Variants in JARID2 observed in about 807,000 individuals in gnomAD.
JARID2 encodes the protein jumonji and AT-rich interaction domain containing 2, also known as protein Jumonji.
Under a neutral mutation model 125.6 loss-of-function variants are expected in JARID2, and 21 were observed. That is an observed-to-expected ratio of 0.17 (90% CI 0.12 to 0.24). JARID2 has a LOEUF of 0.24. Among genes scored for constraint, JARID2 ranks in the 10% least tolerant of loss-of-function variants. The pLI is 1.00. For missense variants in JARID2, 1,303 were observed against 1,639.6 expected (o/e 0.79, Z 3.55); for synonymous variants, 736 against 661.6 (o/e 1.11, Z -1.73).
rs140521472 is a variant in JARID2, at chr6:15,296,711, A to G, written c.45+50127A>G. Among the ~76,000 whole-genome samples, 618 of 152,312 alleles carry G rather than the reference A, an allele frequency of 4.1e-3. 3 individuals carry two copies. The highest frequency in any genetic ancestry group is 5.3e-3 in the Non-Finnish European group (358 of 68,034). On this transcript the variant is annotated intron_variant, in intron 1 of 17. Transcript: ENST00000341776. ...GGACACTAATACTGGGAGGCCTTAA[A>G]GCTGCTACCCGTGTCCCTGTAACAT...
chr6:15,422,973 G>T (rs1766565551), intron 3 of JARID2, among the ~76,000 whole-genome samples: 1 of 149,588 alleles, frequency 6.7e-6, no homozygotes, highest in Non-Finnish European at 1.5e-5. Context: ...AGGCTTACAG[G>T]TGTAGCCTAG....
intron 2 of JARID2, among the ~76,000 whole-genome samples, chr6:15,380,189 C>A (rs1764525746): frequency 6.6e-6 from 1 of 151,986 alleles, no homozygotes; most frequent in Admixed American, 6.6e-5. Flanking sequence ...GCATGTGCCA[C>A]CATGCCTGGC....
At chr6:15,420,899 G>A (rs985864959) in intron 3 of JARID2, among the ~76,000 whole-genome samples, 1 of 152,184 alleles carries the variant, frequency 6.6e-6, no homozygotes, top group African/African-American at 2.4e-5. Flanking sequence ...TATTCCTGGT[G>A]CTTTTACAAT....
At chr6:15,272,687 T>C (rs945291649) in intron 1 of JARID2, among the ~76,000 whole-genome samples, 1 of 152,208 alleles carries the variant, frequency 6.6e-6, no homozygotes, top group African/African-American at 2.4e-5. Flanking sequence ...TTCACTATCC[T>C]GGAAGGTGGT....
intron 17 of JARID2, among the ~76,000 whole-genome samples, 185 bp downstream of exon 17, chr6:15,517,453 C>T (rs909626): frequency 0.14 from 21,498 of 152,158 alleles, 1,579 homozygotes; most frequent in Middle Eastern, 0.31. Flanking sequence ...CCAGGGGGAG[C>T]GGGGTTCCTG....
chr6:15,283,336 T>C (rs1171581453), intron 1 of JARID2, among the ~76,000 whole-genome samples: 3 of 142,708 alleles, frequency 2.1e-5, no homozygotes, highest in Admixed American at 7.0e-5. Context: ...CTTTGTCCTT[T>C]AAGTATTTTT....
intron 1 of JARID2, among the ~76,000 whole-genome samples, chr6:15,345,157 C>G (rs1295083733): frequency 1.3e-5 from 2 of 152,044 alleles, no homozygotes; most frequent in Non-Finnish European, 2.9e-5. Flanking sequence ...GCTTTTGAGA[C>G]TGATTGTATG....
intron 12 of JARID2, chr6:15,509,352 A>C: frequency 1.0e-6 from 1 of 985,406 alleles, no homozygotes; most frequent in Non-Finnish European, 1.2e-6. Context: ...TCTTTATTAA[A>C]ATAAACAAAG....
intron 3 of JARID2, among the ~76,000 whole-genome samples, chr6:15,442,100 C>T (rs1388941445): frequency 6.6e-6 from 1 of 150,676 alleles, no homozygotes; most frequent in Non-Finnish European, 1.5e-5. Flanking sequence ...TTATATTTCT[C>T]TTGCATTTTG....
At chr6:15,470,240 T>C (rs191704753) in intron 5 of JARID2, among the ~76,000 whole-genome samples, 206 of 151,490 alleles carry the variant, frequency 1.4e-3, no homozygotes, top group African/African-American at 4.5e-3. Context: ...TCAGGAGATA[T>C]GGCTGTTTTC....
intron 12 of JARID2, chr6:15,509,225 C>T (rs753666031): frequency 1.8e-5 from 22 of 1,211,686 alleles, no homozygotes; most frequent in South Asian, 4.4e-5. Context: ...TCTTTGTTTA[C>T]GGCGGCAGAT....
intron 2 of JARID2, among the ~76,000 whole-genome samples, chr6:15,375,807 T>A (rs189440355): frequency 1.3e-5 from 2 of 152,314 alleles, no homozygotes; most frequent in East Asian, 3.9e-4. Flanking sequence ...TACTGTTAGA[T>A]TGTATGGTTG....
chr6:15,389,754 C>T (rs1764928393), intron 2 of JARID2, among the ~76,000 whole-genome samples: 1 of 152,208 alleles, frequency 6.6e-6, no homozygotes, highest in South Asian at 2.1e-4. Flanking sequence ...AACTACCACA[C>T]AAAGTGAGGT....
At chr6:15,265,835 C>T (rs915378198) in intron 1 of JARID2, among the ~76,000 whole-genome samples, 1 of 152,164 alleles carries the variant, frequency 6.6e-6, no homozygotes, top group South Asian at 2.1e-4. Context: ...ATTGTCCCAG[C>T]CCCTCCCTCA....
chr6:15,340,827 G>T (rs190076742), intron 1 of JARID2, among the ~76,000 whole-genome samples: 3 of 152,320 alleles, frequency 2.0e-5, no homozygotes, highest in Admixed American at 6.5e-5. Flanking sequence ...ATAACACTCA[G>T]TTGGCCTTAT....
At chr6:15,510,717 C>T (rs935954900) in intron 12 of JARID2, among the ~76,000 whole-genome samples, 1 of 152,224 alleles carries the variant, frequency 6.6e-6, no homozygotes, top group African/African-American at 2.4e-5. Context: ...ATCCCCTGAC[C>T]CCTACTTCAC....
intron 4 of JARID2, among the ~76,000 whole-genome samples, chr6:15,462,748 G>T (rs549884574): frequency 6.6e-6 from 1 of 152,200 alleles, no homozygotes; most frequent in African/African-American, 2.4e-5. Flanking sequence ...ACAGCCAAGC[G>T]ATGTTTCGCT....
chr6:15,517,250 G>A lies in JARID2; in HGVS notation c.3540G>A (p.Leu1180=), dbSNP rs1193441885. The A allele has an allele frequency of 1.2e-6, 2 of 1,613,432 alleles. No individual in the cohort carries two copies. The highest frequency in any genetic ancestry group is 2.2e-5 in the East Asian group (1 of 44,876). The change falls in exon 17 of 18, where the codon TTG becomes TTA. Residue 1180 remains leucine, a synonymous_variant. Coordinates refer to ENST00000341776, the MANE Select transcript of JARID2 (RefSeq NM_004973.4). The part of the protein sequence containing the change: ...EKQKSCRGLK[L]MYRYDEEQII... ...AGAAGTCCTGCCGAGGGCTGAAGTTGATGTACCGCTACGATGAGGTCAGTC... is the reference window on the plus strand; with the variant it reads ...AGAAGTCCTGCCGAGGGCTGAAGTTAATGTACCGCTACGATGAGGTCAGTC...
intron 1 of JARID2, among the ~76,000 whole-genome samples, chr6:15,294,611 C>T (rs1256535899): frequency 6.6e-6 from 1 of 152,070 alleles, no homozygotes; most frequent in Non-Finnish European, 1.5e-5. Context: ...GTTGTGTGTG[C>T]GTGTGCATCA....
Sources: gnomAD v4.1 joint callset for allele counts (sites outside exome capture counted in the v4.1 genomes callset) on GRCh38, gnomAD v4.1.1 for gene constraint, MANE v1.5 for transcripts, NCBI Gene and HGNC (gene_info 2026-07-23, HGNC 2026-07-21) for gene names.